CNTNAP5: variants seen among roughly 807,000 people sequenced by gnomAD.
CNTNAP5 encodes contactin associated protein family member 5.
A neutral mutation model predicts 150.2 loss-of-function variants in CNTNAP5; 72 were observed. The observed-to-expected ratio is 0.48, with a 90% CI of 0.40 to 0.58. The LOEUF is 0.58. CNTNAP5 is among the 20% of genes least tolerant of loss of function. The probability of loss-of-function intolerance (pLI) is 0.00; values close to 1 mark genes in which losing one functional copy is unlikely to be tolerated. For missense variants in CNTNAP5, 1,636 were observed against 1,626.2 expected (o/e 1.01, Z -0.10); for synonymous variants, 672 against 619.8 (o/e 1.08, Z -1.25).
At chr2:124,286,230 A>C (rs1231852975) in intron 3 of CNTNAP5, among the ~76,000 whole-genome samples, 2 of 152,164 alleles carry the variant, frequency 1.3e-5, no homozygotes, top group Non-Finnish European at 2.9e-5. Context: ...GCTCTGGCTC[A>C]CAAAGGCCTT....
At chr2:124,609,961 T>C in intron 12 of CNTNAP5, 41 bp downstream of exon 12, 1 of 1,568,672 alleles carries the variant, frequency 6.4e-7, no homozygotes, top group Non-Finnish European at 8.7e-7. Context: ...ACCACCCCAC[T>C]TCATGGAAGG....
At chr2:124,690,757 T>C (rs1472656433) in intron 13 of CNTNAP5, among the ~76,000 whole-genome samples, 1 of 152,058 alleles carries the variant, frequency 6.6e-6, no homozygotes, top group Non-Finnish European at 1.5e-5. Context: ...GGCATTAAGA[T>C]TTCATTCTAA....
chr2:124,447,052 T>C, intron 6 of CNTNAP5, 115 bp downstream of exon 6: 2 of 930,982 alleles, frequency 2.1e-6, no homozygotes, highest in South Asian at 3.3e-5. Context: ...AGTCTTACCC[T>C]GGGACTTACT....
chr2:124,386,878 C>G (rs1166379012), intron 3 of CNTNAP5, among the ~76,000 whole-genome samples: 3 of 151,158 alleles, frequency 2.0e-5, no homozygotes, highest in Non-Finnish European at 4.4e-5. Context: ...AGAGGTGGAA[C>G]CTTTGAAAGG....
intron 1 of CNTNAP5, among the ~76,000 whole-genome samples, chr2:124,061,720 A>G (rs17010802): frequency 0.1 from 15,841 of 152,274 alleles, 976 homozygotes; most frequent in East Asian, 0.33. Flanking sequence ...CTACCTAACT[A>G]AATAATAACA....
chr2:124,692,330 A>G (rs1679315590), intron 13 of CNTNAP5, among the ~76,000 whole-genome samples: 1 of 152,172 alleles, frequency 6.6e-6, no homozygotes, highest in African/African-American at 2.4e-5. Flanking sequence ...AAGTGTATTC[A>G]GTTACATATT....
At chr2:124,612,867 A>G (rs899905771) in intron 12 of CNTNAP5, among the ~76,000 whole-genome samples, 1 of 152,176 alleles carries the variant, frequency 6.6e-6, no homozygotes, top group Admixed American at 6.5e-5. Context: ...AGCCTGACCA[A>G]CATGGTGAAA....
chr2:124,392,428 C>G (rs1201923753), intron 3 of CNTNAP5, among the ~76,000 whole-genome samples: 1 of 152,010 alleles, frequency 6.6e-6, no homozygotes, highest in African/African-American at 2.4e-5. Context: ...AATGAAATCT[C>G]TAAATACTCC....
In CNTNAP5 at chr2:124,212,608, C is replaced by T. The variant is rs1468907903; in HGVS notation, c.83-9097C>T. Among the ~76,000 whole-genome samples, 5 of 152,100 alleles carry T rather than the reference C, an allele frequency of 3.3e-5. No individual in the cohort carries two copies. The East Asian group carries it at 9.6e-4, about 29-fold the overall frequency. On this transcript the variant is annotated intron_variant, in intron 1 of 23. Coordinates refer to ENST00000682447, the MANE Select transcript of CNTNAP5 (RefSeq NM_001367498.1). Reference sequence around the variant, plus strand: ...TCTAATTAAGCTATGACACATTATTCATAACCTTAAAAGTTTAATAGCTTT... The same window carrying T: ...TCTAATTAAGCTATGACACATTATTTATAACCTTAAAAGTTTAATAGCTTT...
intron 13 of CNTNAP5, among the ~76,000 whole-genome samples, chr2:124,681,131 T>A (rs55858918): frequency 0.26 from 39,479 of 150,262 alleles, 6,006 homozygotes; most frequent in Non-Finnish European, 0.34. Context: ...CTAAAAAAAA[T>A]AAATAAATAA....
At chr2:124,485,809 C>G (rs925830735) in intron 7 of CNTNAP5, among the ~76,000 whole-genome samples, 1 of 151,942 alleles carries the variant, frequency 6.6e-6, no homozygotes, top group African/African-American at 2.4e-5. Flanking sequence ...GGACAGGAAC[C>G]TGGAAGCATC....
intron 3 of CNTNAP5, among the ~76,000 whole-genome samples, chr2:124,378,031 TA>T (rs1690695989): frequency 6.6e-6 from 1 of 152,096 alleles, no homozygotes. Context: ...AACTTCTACT[TA>T]CTGTGTACTC....
At chr2:124,563,785 G>A (rs1695947746) in intron 11 of CNTNAP5, among the ~76,000 whole-genome samples, 1 of 152,208 alleles carries the variant, frequency 6.6e-6, no homozygotes, top group Non-Finnish European at 1.5e-5. Flanking sequence ...TTCTTAGATG[G>A]TAACAAAATT....
At chr2:124,877,972 T>C (rs545630881) in intron 21 of CNTNAP5, among the ~76,000 whole-genome samples, 9 of 152,240 alleles carry the variant, frequency 5.9e-5, no homozygotes, top group Admixed American at 2.6e-4. Flanking sequence ...TCTATTTTTA[T>C]AGATGAGAAA....
intron 7 of CNTNAP5, among the ~76,000 whole-genome samples, chr2:124,502,708 GA>G (rs942373100): frequency 1.6e-4 from 25 of 152,162 alleles, no homozygotes; most frequent in African/African-American, 5.8e-4. Context: ...TTTTATTCTT[GA>G]AAGGGAATTT....
chr2:124,251,606 T>C (rs181723890), intron 3 of CNTNAP5, among the ~76,000 whole-genome samples: 5 of 152,104 alleles, frequency 3.3e-5, no homozygotes, highest in Admixed American at 3.3e-4. Context: ...ATTCTGCAGG[T>C]ACTAAATTAA....
At chr2:124,283,971 A>G (rs1328330564) in intron 3 of CNTNAP5, among the ~76,000 whole-genome samples, 2 of 152,180 alleles carry the variant, frequency 1.3e-5, no homozygotes, top group African/African-American at 2.4e-5. Flanking sequence ...GGTAGGGAAG[A>G]CACAATTATT....
At position 124,859,373 on chromosome 2, in the gene CNTNAP5, C is replaced by A. The variant is rs1573667229; in HGVS notation, c.3218-5933C>A. On this transcript the variant is annotated intron_variant, in intron 19 of 23. Transcript: ENST00000682447. The stretch of plus-strand genomic sequence containing the variant: ...ACCACAATGAGATACCATCTCATAC[C>A]AGTTAGAATGGCAATCATTAAAAAG... Among the ~76,000 whole-genome samples the A allele has an allele frequency of 3.9e-5, 6 of 152,294 alleles. No individual in the cohort carries two copies. The South Asian group carries it at 1.2e-3, about 32-fold the overall frequency.
At position 124,808,669 on chromosome 2, in the gene CNTNAP5, A is replaced by G. The variant is rs560064734; in HGVS notation, c.3217+10349A>G. On this transcript the variant is annotated intron_variant, in intron 19 of 23. Coordinates refer to ENST00000682447, the MANE Select transcript of CNTNAP5 (RefSeq NM_001367498.1). Reference sequence around the variant, plus strand: ...GAAACTGAAAAGACAAAGACAACAGAAGGGAATTTAGTATGAGTGAAAAAT... The same window carrying G: ...GAAACTGAAAAGACAAAGACAACAGGAGGGAATTTAGTATGAGTGAAAAAT... Among the ~76,000 whole-genome samples the G allele has an allele frequency of 1.3e-3, 203 of 152,240 alleles. 2 individuals are homozygous for G. In the South Asian group the frequency reaches 0.014, roughly 10 times the overall value.
Sources: gnomAD v4.1 joint callset for allele counts (sites outside exome capture counted in the v4.1 genomes callset) on GRCh38, gnomAD v4.1.1 for gene constraint, MANE v1.5 for transcripts, NCBI Gene and HGNC (gene_info 2026-07-23, HGNC 2026-07-21) for gene names.